The following MUC6 variants were observed in gnomAD, a reference collection of about 807,000 sequenced individuals.
MUC6 encodes mucin-6.
A neutral mutation model predicts 201.5 loss-of-function variants in MUC6; 188 were observed. That is an observed-to-expected ratio of 0.93 (90% CI 0.83 to 1.05). MUC6 has a LOEUF of 1.05. Ranked by LOEUF, MUC6 falls within the 50% of genes least tolerant of loss-of-function variation. MUC6 has a pLI of 0.00. For synonymous variants in MUC6, 1,228 were observed against 1,389.4 expected (o/e 0.88, Z 2.58); for missense variants, 2,706 against 3,256.9 (o/e 0.83, Z 4.12).
At position 1,033,129 on chromosome 11, in the gene MUC6, C is replaced by T. The variant is rs761939187; in HGVS notation, c.53-54G>A. 2.6e-5 allele frequency: 40 copies of T among 1,544,698 alleles called. No individual in the cohort carries two copies. In the East Asian group the frequency reaches 2.7e-4, roughly 10 times the overall value. On this transcript the variant is annotated intron_variant, in intron 1 of 32. Transcript: ENST00000421673. This position sits in a 1 kb window ranked among gnomAD's most constrained non-coding sequence, Gnocchi z 5.6. ...GGGGCTACCCCGTCGTCCCTGAGGG[C>T]GCCGCTCACCTCTGCTCAGGGCTGC...
In MUC6 at chr11:1,023,621, C is replaced by T. The variant is rs770628980; in HGVS notation, c.3414G>A (p.Thr1138=). ...PIYCGFYNTH[T]QDGHGEYQYT... Reference sequence around the variant, plus strand: ...ACTGGTACTCGCCATGGCCGTCCTGCGTGTGCGTGTTGTAGAAGCCGCAGT... The same window carrying T: ...ACTGGTACTCGCCATGGCCGTCCTGTGTGTGCGTGTTGTAGAAGCCGCAGT... The change falls in exon 26 of 33, where the codon ACG becomes ACA. Residue 1138 remains threonine, a synonymous_variant. Transcript: ENST00000421673. 19 of 1,612,744 alleles carry T rather than the reference C, an allele frequency of 1.2e-5. No homozygotes were observed. Among genetic ancestry groups the T allele is most frequent in the Admixed American group, 6.7e-5 (4 of 60,000 alleles).
Position 1,013,201 on chromosome 11 carries a change from C to A in MUC6, c.*255G>T. On this transcript the variant is annotated 3_prime_UTR_variant, in exon 33 of 33. Coordinates refer to ENST00000421673, the MANE Select transcript of MUC6 (RefSeq NM_005961.3). ...GGGTGGTCGGGAGTGCCCTGTGTGC[C>A]TGGGAGGTCCGTGACCACTGTCCGC... The A allele has an allele frequency of 1.8e-6, 1 of 543,282 alleles. No homozygotes were observed. Among genetic ancestry groups the A allele is most frequent in the East Asian group, 3.2e-5 (1 of 31,296 alleles). The allele number at this position is 543,282 out of a possible 1,614,324, so 33.7% of individuals were successfully genotyped here.
In MUC6 at chr11:1,028,405, G is replaced by C. The variant is rs761179628; in HGVS notation, c.1592-18C>G. The stretch of plus-strand genomic sequence containing the variant: ...GCAGAGCCCTGAGCCGGCGGGGCGT[G>C]AGCTCGACTTGAACCCATCCCTCCT... On this transcript the variant is annotated intron_variant, in intron 13 of 32. Coordinates refer to ENST00000421673, the MANE Select transcript of MUC6 (RefSeq NM_005961.3). 2.5e-6 allele frequency: 4 copies of C among 1,609,254 alleles called. No individual in the cohort carries two copies. The South Asian group carries it at 4.4e-5, about 18-fold the overall frequency.
chr11:1,017,508 A>G lies in MUC6; in HGVS notation c.5293T>C (p.Ser1765Pro). Residue 1765 changes from serine to proline, a missense_variant, in exon 31 of 33, where the codon TCT (serine) becomes CCT (proline). Physicochemically the swap from Ser to Pro is moderately conservative, Grantham distance 74. Transcript: ENST00000421673. ...TGGTTGGGGGTGATGCTGGTGGTAG[A>G]AGTTGAGGTGACTTCAGGATGGTGT... ...STHHPEVTST[S>P]TTSITPNHTS... 6.9e-7 allele frequency: 1 copy of G among 1,452,486 alleles called. No individual in the cohort carries two copies. Among genetic ancestry groups the G allele is most frequent in the Non-Finnish European group, 9.3e-7 (1 of 1,078,232 alleles). The allele number at this position is 1,452,486 out of a possible 1,614,324, so 90.0% of individuals were successfully genotyped here.
chr11:1,025,999 C>A lies in MUC6; in HGVS notation c.2688+1G>T. The stretch of plus-strand genomic sequence containing the variant: ...CCTGCGGCCTGGCACCCGATGGTTA[C>A]CGTGGCCAGGATGTACTCGCAGTTG... On this transcript the variant is annotated splice_donor_variant, in intron 21 of 32. Coordinates refer to ENST00000421673, the MANE Select transcript of MUC6 (RefSeq NM_005961.3). LOFTEE classifies it high-confidence loss of function. 6.3e-7 allele frequency: 1 copy of A among 1,587,218 alleles called. No homozygotes were observed.
Position 1,028,802 on chromosome 11 carries a change from A to G in MUC6, c.1454-19T>C, listed in dbSNP as rs760634503. Reference sequence around the variant, plus strand: ...ATGTTGCCTGCAGGACGCAGTGCTCAGTGGGCCGTCTGGGCTCCCTCCCCA... The same window carrying G: ...ATGTTGCCTGCAGGACGCAGTGCTCGGTGGGCCGTCTGGGCTCCCTCCCCA... On this transcript the variant is annotated intron_variant, in intron 12 of 32. Coordinates refer to ENST00000421673, the MANE Select transcript of MUC6 (RefSeq NM_005961.3). The G allele has an allele frequency of 3.1e-6, 5 of 1,609,524 alleles. No homozygotes were observed. Among genetic ancestry groups the G allele is most frequent in the Non-Finnish European group, 4.2e-6 (5 of 1,179,712 alleles).
chr11:1,026,864 C>T (rs1856971546), intron 19 of MUC6, 77 bp downstream of exon 19: 1 of 1,367,074 alleles, frequency 7.3e-7, no homozygotes, highest in African/African-American at 1.5e-5. Flanking sequence ...GGCCAGGTCT[C>T]CCGGAGTTCT....
In MUC6 at chr11:1,030,535, G is replaced by A. The variant is rs780852140; in HGVS notation, c.892+38C>T. 20 of 1,466,760 alleles carry A rather than the reference G, an allele frequency of 1.4e-5. No homozygotes were observed. In the South Asian group the frequency reaches 1.5e-4, roughly 11 times the overall value. 90.9% of individuals were successfully genotyped at this position (1,466,760 alleles called of 1,614,324 possible). ...TGGGAGAGCTGGGTCTGGAGCCCTC[G>A]GCCTTCCTGCCCCTCCCTCTCCCTT... On this transcript the variant is annotated intron_variant, in intron 7 of 32. Transcript: ENST00000421673.
Position 1,028,396 on chromosome 11 carries a change from G to A in MUC6, c.1592-9C>T. On this transcript the variant is annotated splice_polypyrimidine_tract_variant and intron_variant, in intron 13 of 32. Transcript: ENST00000421673. ...GAAGTTGCCGCAGAGCCCTGAGCCG[G>A]CGGGGCGTGAGCTCGACTTGAACCC... 3.1e-6 allele frequency: 5 copies of A among 1,610,864 alleles called. No individual in the cohort carries two copies. Among genetic ancestry groups the A allele is most frequent in the Non-Finnish European group, 3.4e-6 (4 of 1,179,468 alleles).
At chr11:1,029,975 C>G (rs1329597788) in intron 8 of MUC6, among the ~76,000 whole-genome samples, 1 of 152,224 alleles carries the variant, frequency 6.6e-6, no homozygotes, top group Non-Finnish European at 1.5e-5. Flanking sequence ...GCTCCTAGAC[C>G]GCAGTGAGCA....
At chr11:1,014,341 C>A (rs1012886874) in intron 31 of MUC6, among the ~76,000 whole-genome samples, 7 of 152,246 alleles carry the variant, frequency 4.6e-5, no homozygotes, top group Non-Finnish European at 8.8e-5. Context: ...CAACACTGAC[C>A]TGTGGGCATG....
intron 22 of MUC6, 21 bp from the exon 23 acceptor site, chr11:1,025,388 A>G: frequency 1.3e-6 from 2 of 1,599,130 alleles, no homozygotes; most frequent in Non-Finnish European, 1.7e-6. Context: ...GGGTTGGCAT[A>G]GGACTGCCTG....
intron 27 of MUC6, 132 bp from the exon 28 acceptor site, chr11:1,020,866 GC>G: frequency 8.4e-7 from 1 of 1,184,722 alleles, no homozygotes; most frequent in Non-Finnish European, 1.2e-6. Context: ...GGGGCTGGGA[GC>G]CCACCCTCCC....
In MUC6 at chr11:1,030,643, C is replaced by A; in HGVS notation, c.822G>T (p.Leu274=). ...TGCTGCACTGGCGGGAGTACTCCGA[C>A]AGGGTGGCACAACTGCTGTTCTGTG... The part of the protein sequence containing the change: ...PGPQNSSCAT[L]SEYSRQCSMV... Residue 274 remains leucine, a synonymous_variant, in exon 7 of 33, where the codon CTG becomes CTT. Coordinates refer to ENST00000421673, the MANE Select transcript of MUC6 (RefSeq NM_005961.3). 2 of 1,544,884 alleles carry A rather than the reference C, an allele frequency of 1.3e-6. No homozygotes were observed. The highest frequency in any genetic ancestry group is 1.7e-6 in the Non-Finnish European group (2 of 1,146,640).
Position 1,033,106 on chromosome 11 carries a change from G to T in MUC6, c.53-31C>A. 2.5e-6 allele frequency: 4 copies of T among 1,610,428 alleles called. No homozygotes were observed. Among genetic ancestry groups the T allele is most frequent in the Non-Finnish European group, 3.4e-6 (4 of 1,177,014 alleles). On this transcript the variant is annotated intron_variant, in intron 1 of 32. Transcript: ENST00000421673. This position sits in a 1 kb window ranked among gnomAD's most constrained non-coding sequence, Gnocchi z 5.6. ...TGGACGGGACCCGCAGTCGGTGTGG[G>T]GCTACCCCGTCGTCCCTGAGGGCGC...
chr11:1,020,375 A>C (rs561303935), intron 28 of MUC6, 118 bp from the exon 29 acceptor site: 12 of 1,332,250 alleles, frequency 9.0e-6, no homozygotes, highest in South Asian at 5.8e-5. Flanking sequence ...AATGATGTGC[A>C]GTTGAGGGCT....
chr11:1,015,027 G>T (rs1456649638), intron 31 of MUC6, among the ~76,000 whole-genome samples: 1 of 152,254 alleles, frequency 6.6e-6, no homozygotes, highest in Non-Finnish European at 1.5e-5. Context: ...TTGTCGCCTG[G>T]TGGAGGTCGA....
chr11:1,023,988 T>G lies in MUC6; in HGVS notation c.3341A>C (p.Asp1114Ala). Residue 1114 changes from aspartate to alanine, a missense_variant, in exon 25 of 33, where the codon GAC (aspartate) becomes GCC (alanine). Around this residue, in one of 10 missense-constraint regions of MUC6, gnomAD observed 1,850 missense variants for 1,958.3 expected, o/e 0.94. Coordinates refer to ENST00000421673, the MANE Select transcript of MUC6 (RefSeq NM_005961.3). ...CCTCCAGTCCACGCACACACCCTTG[T>G]CCAGACAGGCTTGGGCGTAGGCAGC... ...AVAAYAQACL[D>A]KGVCVDWRTP... 6.2e-7 allele frequency: 1 copy of G among 1,612,796 alleles called. No individual in the cohort carries two copies. The highest frequency in any genetic ancestry group is 8.5e-7 in the Non-Finnish European group (1 of 1,179,696).
chr11:1,029,709 T>C, intron 8 of MUC6, 94 bp from the exon 9 acceptor site: 1 of 1,454,770 alleles, frequency 6.9e-7, no homozygotes, highest in Non-Finnish European at 9.1e-7. Context: ...CCAGCCTGGC[T>C]CCAGGGAGAC....
Sources: gnomAD v4.1 joint callset for allele counts (sites outside exome capture counted in the v4.1 genomes callset) on GRCh38, gnomAD v4.1.1 for gene constraint, gnomAD v4.1.1 regional missense constraint, Gnocchi (gnomAD v3.1) non-coding constraint, MANE v1.5 for transcripts, NCBI Gene and HGNC (gene_info 2026-07-23, HGNC 2026-07-21) for gene names.